Variants in SNX8 observed in about 807,000 individuals in gnomAD.
The protein encoded by SNX8 is sorting nexin-8.
SNX8 carries 25 observed loss-of-function variants against 51.6 expected under a neutral mutation model. That is an observed-to-expected ratio of 0.48 (90% CI 0.35 to 0.68). The LOEUF (loss-of-function observed/expected upper bound fraction) is 0.68. Ranked by LOEUF, SNX8 falls within the 30% of genes least tolerant of loss-of-function variation. The probability of loss-of-function intolerance (pLI) is 0.00; values close to 1 mark genes in which losing one functional copy is unlikely to be tolerated. For synonymous variants in SNX8, 324 were observed against 277.0 expected (o/e 1.17, Z -1.68); for missense variants, 695 against 624.0 (o/e 1.11, Z -1.21).
At chr7:2,267,341 T>A (rs1203143931) in intron 5 of SNX8, among the ~76,000 whole-genome samples, 1 of 68,340 alleles carries the variant, frequency 1.5e-5, no homozygotes, top group South Asian at 6.0e-4. Context: ...CCTCTCCCTC[T>A]CCCTCACCCC....
In SNX8 at chr7:2,320,876, C is replaced by T. The variant is rs111627590; in HGVS notation, c.-66+33346G>A. Among the ~76,000 whole-genome samples, 1,333 of 151,746 alleles carry T rather than the reference C, an allele frequency of 8.8e-3. 16 individuals are homozygous for T. Among genetic ancestry groups the T allele is most frequent in the African/African-American group, 0.031 (1,275 of 41,336 alleles). On this transcript the variant is annotated intron_variant, in intron 1 of 5. Coordinates refer to the SNX8 transcript ENST00000435336. Reference sequence around the variant, plus strand: ...CTCTACTAAAAATACAAAAATTAGCCGGGCCTGGTGGTGGGTGCCTGTAAT... The same window carrying T: ...CTCTACTAAAAATACAAAAATTAGCTGGGCCTGGTGGTGGGTGCCTGTAAT...
At chr7:2,259,486 A>G (rs1369130177) in intron 7 of SNX8, among the ~76,000 whole-genome samples, 2 of 152,178 alleles carry the variant, frequency 1.3e-5, no homozygotes, top group Non-Finnish European at 2.9e-5. Flanking sequence ...AGTGGATGGA[A>G]CGAGTTTTAC....
At chr7:2,344,964 C>A (rs7804905) in intron 1 of SNX8, among the ~76,000 whole-genome samples, 2 of 151,962 alleles carry the variant, frequency 1.3e-5, no homozygotes, top group African/African-American at 4.8e-5. Context: ...TACCCTTTCA[C>A]GCACAGCAGA....
chr7:2,297,550 CAAAA>C (rs145543350), intron 1 of SNX8, among the ~76,000 whole-genome samples: 17 of 40,268 alleles, frequency 4.2e-4, no homozygotes, highest in Middle Eastern at 0.02. Context: ...AACCCCGCCG[CAAAA>C]AAAAAAAAAA....
chr7:2,286,974 A>C (rs938413668), intron 1 of SNX8, among the ~76,000 whole-genome samples: 8 of 151,456 alleles, frequency 5.3e-5, no homozygotes, highest in African/African-American at 1.9e-4. Flanking sequence ...CTCCATCTCT[A>C]CTAAACATAC....
At position 2,256,912 on chromosome 7, in the gene SNX8, G is replaced by C. The variant is rs757555285; in HGVS notation, c.1246C>G (p.Arg416Gly). The change falls in exon 10 of 11, where the codon CGC (arginine) becomes GGC (glycine). Residue 416 changes from arginine to glycine, a missense_variant. Coordinates refer to ENST00000222990, the MANE Select transcript of SNX8 (RefSeq NM_013321.4). ...TGGATCTGAGAGTTGACGAAGGCGC[G>C]GAGGATGTGGGAGGTGAGGGGCAGG... ...VYLPLTSHIL[R>G]AFVNSQIQGH... 5 of 1,613,642 alleles carry C rather than the reference G, an allele frequency of 3.1e-6. No homozygotes were observed. In the South Asian group the frequency reaches 5.5e-5, roughly 18 times the overall value.
intron 1 of SNX8, among the ~76,000 whole-genome samples, chr7:2,343,607 G>C (rs549359224): frequency 2.0e-5 from 3 of 152,006 alleles, no homozygotes; most frequent in Non-Finnish European, 4.4e-5. Flanking sequence ...CCCGGGAGGC[G>C]GAGCTTGCAG....
chr7:2,263,982 G>C (rs1039908933), intron 6 of SNX8, among the ~76,000 whole-genome samples: 7 of 152,130 alleles, frequency 4.6e-5, no homozygotes, highest in African/African-American at 1.4e-4. Flanking sequence ...CCAAAGTGCT[G>C]GGATTACAGG....
chr7:2,257,762 G>C lies in SNX8; in HGVS notation c.957C>G (p.Leu319=), dbSNP rs1002274834. The C allele has an allele frequency of 1.2e-6, 2 of 1,614,074 alleles. No homozygotes were observed. The highest frequency in any genetic ancestry group is 2.2e-5 in the East Asian group (1 of 44,876). ...EENDVVEKLN[L]FLDLLQSYKD... The stretch of plus-strand genomic sequence containing the variant: ...TATAGGACTGCAGCAGATCCAAGAA[G>C]AGGTTCAGCTTCTCCACCACGTCGT... Residue 319 remains leucine (L), a synonymous_variant, in exon 8 of 11, where the codon CTC becomes CTG. Transcript: ENST00000222990.
At chr7:2,349,708 T>G (rs1779103094) in intron 1 of SNX8, among the ~76,000 whole-genome samples, 1 of 152,136 alleles carries the variant, frequency 6.6e-6, no homozygotes, top group Non-Finnish European at 1.5e-5. Context: ...AGTGTTGGGA[T>G]TACAGGCGTG....
chr7:2,312,290 C>T (rs1021154669), intron 1 of SNX8, among the ~76,000 whole-genome samples: 32 of 152,184 alleles, frequency 2.1e-4, no homozygotes, highest in African/African-American at 7.5e-4. Flanking sequence ...GAGTCTACTT[C>T]TGTGAAGCCT....
At chr7:2,312,247 T>C (rs1270475480) in intron 1 of SNX8, among the ~76,000 whole-genome samples, 1 of 152,160 alleles carries the variant, frequency 6.6e-6, no homozygotes, top group Non-Finnish European at 1.5e-5. Context: ...GCGCTCAGAC[T>C]ATCTCTAAAT....
At chr7:2,348,723 G>C (rs1453816149) in intron 1 of SNX8, among the ~76,000 whole-genome samples, 1 of 151,520 alleles carries the variant, frequency 6.6e-6, no homozygotes, top group Non-Finnish European at 1.5e-5. Context: ...GAGGCGGGCG[G>C]ATCACCTGAG....
chr7:2,350,815 T>C (rs887081548), intron 1 of SNX8, among the ~76,000 whole-genome samples: 1 of 151,970 alleles, frequency 6.6e-6, no homozygotes, highest in Non-Finnish European at 1.5e-5. Context: ...CCCGGCTAAA[T>C]TTTGTATTTT....
upstream of SNX8, among the ~76,000 whole-genome samples, chr7:2,318,880 C>T (rs1179112361): frequency 1.3e-5 from 2 of 150,788 alleles, no homozygotes; most frequent in Non-Finnish European, 2.9e-5. Context: ...CAATGGCACA[C>T]ACCTATAGTC....
rs1378331443 is a variant in SNX8, at chr7:2,252,285, G to C, written c.*2771C>G. The C allele has an allele frequency of 6.6e-6, 1 of 152,488 alleles. No individual in the cohort carries two copies. The highest frequency in any genetic ancestry group is 1.5e-5 in the Non-Finnish European group (1 of 68,124). The allele number at this position is 152,488 out of a possible 1,614,324, so 9.4% of individuals were successfully genotyped here. On this transcript the variant is annotated 3_prime_UTR_variant, in exon 11 of 11. Transcript: ENST00000222990. ...GCTTGGGCTTGGGCCGTGGGCAGCA[G>C]GAGGGCTGGAGAGGCATGGGGGGAA... is the stretch of plus-strand genomic sequence containing the variant.
At chr7:2,271,142 C>T (rs533605035) in intron 4 of SNX8, among the ~76,000 whole-genome samples, 1 of 152,356 alleles carries the variant, frequency 6.6e-6, no homozygotes, top group East Asian at 1.9e-4. Context: ...CTCCTGGGTT[C>T]AAGCGATTCT....
chr7:2,263,283 G>C lies in SNX8; in HGVS notation c.862C>G (p.Leu288Val). Residue 288 changes from leucine (L) to valine (V), a missense_variant, in exon 7 of 11, where the codon CTG (leucine) becomes GTG (valine). Coordinates refer to ENST00000222990, the MANE Select transcript of SNX8 (RefSeq NM_013321.4). The part of the protein sequence containing the change: ...SSTWGSLKQA[L>V]KGLSVEFALL... ...GCGAATTCCACAGACAGGCCTTTCAGAGCCTGCTTCAGGGACCCCCACGTG... is the reference window on the plus strand; with the variant it reads ...GCGAATTCCACAGACAGGCCTTTCACAGCCTGCTTCAGGGACCCCCACGTG... 1.2e-6 allele frequency: 2 copies of C among 1,613,986 alleles called. No homozygotes were observed. Among genetic ancestry groups the C allele is most frequent in the Non-Finnish European group, 1.7e-6 (2 of 1,180,026 alleles).
At chr7:2,312,947 G>T (rs1796686519) in intron 1 of SNX8, among the ~76,000 whole-genome samples, 1 of 152,102 alleles carries the variant, frequency 6.6e-6, no homozygotes, top group Non-Finnish European at 1.5e-5. Flanking sequence ...GCCCAGGCTG[G>T]AGTGCAGTGG....
Sources: gnomAD v4.1 joint callset for allele counts (sites outside exome capture counted in the v4.1 genomes callset) on GRCh38, gnomAD v4.1.1 for gene constraint, MANE v1.5 for transcripts, NCBI Gene and HGNC (gene_info 2026-07-23, HGNC 2026-07-21) for gene names.